The following CPS1 variants were observed in gnomAD, a reference collection of about 807,000 sequenced individuals.
CPS1 encodes the protein carbamoyl-phosphate synthase [ammonia], mitochondrial.
A neutral mutation model predicts 174.6 loss-of-function variants in CPS1; 109 were observed. The observed-to-expected ratio is 0.62, with a 90% CI of 0.53 to 0.73. CPS1 has a LOEUF of 0.73. CPS1 is among the 30% of genes least tolerant of loss of function. The probability of loss-of-function intolerance (pLI) is 0.00; values close to 1 mark genes in which losing one functional copy is unlikely to be tolerated. For synonymous variants in CPS1, 637 were observed against 632.0 expected, an observed-to-expected ratio of 1.01 and a Z score of -0.12; for missense variants, 1,689 against 1,821.9, an observed-to-expected ratio of 0.93 and a Z score of 1.33.
Position 210,640,040 on chromosome 2 carries a change from C to T in CPS1, c.2940C>T (p.Gly980=), listed in dbSNP as rs752969364. Residue 980 remains glycine, a synonymous_variant, in exon 24 of 38, where the codon GGC becomes GGT. Coordinates refer to ENST00000233072, the MANE Select transcript of CPS1 (RefSeq NM_001875.5). ...ATGACCATGGAATGATGGTGCTAGG[C>T]TGTGGTCCATATCACATTGGTAAAA... ...NFDDHGMMVL[G]CGPYHIGSSV... The T allele has an allele frequency of 4.4e-6, 7 of 1,608,858 alleles. No homozygotes were observed. The highest frequency in any genetic ancestry group is 6.0e-6 in the Non-Finnish European group (7 of 1,175,770).
intron 33 of CPS1, among the ~76,000 whole-genome samples, chr2:210,667,898 A>T (rs1023408779): frequency 6.6e-6 from 1 of 152,160 alleles, no homozygotes; most frequent in African/African-American, 2.4e-5. Flanking sequence ...TGCTCCATTG[A>T]GTGTTGTTGG....
chr2:210,645,573 T>A (rs989457844), intron 25 of CPS1, among the ~76,000 whole-genome samples: 3 of 152,022 alleles, frequency 2.0e-5, no homozygotes, highest in African/African-American at 7.2e-5. Context: ...GGAGGGTAGA[T>A]CACTTGAGGC....
intron 36 of CPS1, 62 bp from the exon 37 acceptor site, chr2:210,676,945 T>C (rs941960218): frequency 6.5e-7 from 1 of 1,535,454 alleles, no homozygotes; most frequent in South Asian, 1.1e-5. Flanking sequence ...TTTATGTTAG[T>C]ATTTTATAAA....
intron 26 of CPS1, 110 bp downstream of exon 26, chr2:210,648,167 T>A (rs1407109007): frequency 9.4e-7 from 1 of 1,066,408 alleles, no homozygotes; most frequent in African/African-American, 1.6e-5. Context: ...GCAGATAGAA[T>A]GCATACACTT....
intron 1 of CPS1, among the ~76,000 whole-genome samples, chr2:210,484,234 T>C (rs1694653837): frequency 6.6e-6 from 1 of 152,066 alleles, no homozygotes; most frequent in Non-Finnish European, 1.5e-5. Flanking sequence ...ACATCCCAGA[T>C]GGAAGGGTCA....
In CPS1 at chr2:210,665,973, C is replaced by T. The variant is rs545267633; in HGVS notation, c.4003-2213C>T. 6.1e-3 allele frequency among the ~76,000 whole-genome samples: 896 copies of T among 147,838 alleles called. 13 individuals are homozygous for T. The highest frequency in any genetic ancestry group is 0.021 in the African/African-American group (846 of 40,122). On this transcript the variant is annotated intron_variant, in intron 33 of 37. Coordinates refer to ENST00000233072, the MANE Select transcript of CPS1 (RefSeq NM_001875.5). Reference sequence around the variant, plus strand: ...TCAAAGTGTTCCTATTTCTCCACATCCTCTCCAGCACCTGTTGTTTCCTGA... The same window carrying T: ...TCAAAGTGTTCCTATTTCTCCACATTCTCTCCAGCACCTGTTGTTTCCTGA...
intron 1 of CPS1, among the ~76,000 whole-genome samples, chr2:210,568,428 A>G (rs1034503182): frequency 5.9e-5 from 9 of 152,118 alleles, no homozygotes; most frequent in Admixed American, 5.9e-4. Context: ...AGAAGTAAGG[A>G]GAGACTGGAG....
rs911681657 is a variant in CPS1, at chr2:210,556,918, G to A, written c.126+59G>A. The A allele has an allele frequency of 1.1e-4, 180 of 1,577,408 alleles. No homozygotes were observed. The East Asian group carries it at 3.6e-3, about 32-fold the overall frequency. On this transcript the variant is annotated intron_variant, in intron 1 of 37. Transcript: ENST00000233072. ...CTATGGGGTATAGTTTAGCAGTGAAGCAAAGGTGTCCCTTACAAGGCAAAT... is the reference window on the plus strand; with the variant it reads ...CTATGGGGTATAGTTTAGCAGTGAAACAAAGGTGTCCCTTACAAGGCAAAT...
intron 36 of CPS1, 46 bp downstream of exon 36, chr2:210,675,886 C>G (rs562052830): frequency 1.6e-5 from 14 of 898,480 alleles, no homozygotes; most frequent in African/African-American, 1.3e-4. Context: ...AGAGGATTAA[C>G]TTTGAGAACC....
chr2:210,509,356 A>AATTAGGTAT (rs1308739174), intron 1 of CPS1, among the ~76,000 whole-genome samples: 2 of 152,330 alleles, frequency 1.3e-5, no homozygotes, highest in African/African-American at 4.8e-5. Context: ...ACTCTCAATA[A>AATTAGGTAT]ATTAGGTATT....
intron 1 of CPS1, among the ~76,000 whole-genome samples, chr2:210,501,530 C>T (rs1033134076): frequency 6.6e-6 from 1 of 152,104 alleles, no homozygotes; most frequent in Non-Finnish European, 1.5e-5. Context: ...CCACCAGATA[C>T]CCTAAATCAT....
intron 1 of CPS1, among the ~76,000 whole-genome samples, chr2:210,538,228 G>A (rs942314888): frequency 3.3e-5 from 5 of 151,984 alleles, no homozygotes; most frequent in Non-Finnish European, 7.4e-5. Context: ...AGTTTTAAAA[G>A]CCATTATAAA....
At chr2:210,639,768 C>G (rs1383290132) in intron 23 of CPS1, among the ~76,000 whole-genome samples, 1 of 151,830 alleles carries the variant, frequency 6.6e-6, no homozygotes, top group Non-Finnish European at 1.5e-5. Context: ...TACAATTATG[C>G]TATGTTCTCA....
At chr2:210,616,591 TAA>T (rs1424961549) in intron 21 of CPS1, 50 bp downstream of exon 21, 12 of 1,067,646 alleles carry the variant, frequency 1.1e-5, no homozygotes, top group Admixed American at 1.7e-5. Context: ...GTGCAATTTT[TAA>T]AGAGTCTTCT....
chr2:210,642,786 C>T (rs1419419784), intron 25 of CPS1, 121 bp downstream of exon 25: 2 of 884,132 alleles, frequency 2.3e-6, no homozygotes, highest in African/African-American at 1.7e-5. Flanking sequence ...GAAAGGGCTG[C>T]CAGTGGCATC....
chr2:210,588,200 G>A, intron 7 of CPS1, 53 bp downstream of exon 7: 1 of 1,475,274 alleles, frequency 6.8e-7, no homozygotes, highest in Non-Finnish European at 9.5e-7. Flanking sequence ...GACCATTAGT[G>A]TTCAGCTAAT....
At chr2:210,521,635 A>T (rs1352168249) in intron 1 of CPS1, among the ~76,000 whole-genome samples, 1 of 152,028 alleles carries the variant, frequency 6.6e-6, no homozygotes, top group East Asian at 1.9e-4. Flanking sequence ...CAGATTTTTA[A>T]TATCAGACAT....
intron 1 of CPS1, among the ~76,000 whole-genome samples, chr2:210,495,036 A>G (rs1369675477): frequency 2.0e-5 from 3 of 152,226 alleles, no homozygotes; most frequent in Admixed American, 6.5e-5. Flanking sequence ...AAAACACTCC[A>G]GGTGATTCTA....
intron 1 of CPS1, among the ~76,000 whole-genome samples, chr2:210,504,139 C>A (rs992935185): frequency 5.9e-5 from 9 of 152,002 alleles, no homozygotes; most frequent in Admixed American, 6.6e-5. Flanking sequence ...CTTTCTTTTT[C>A]CCTGAGTGAC....
Sources: gnomAD v4.1 joint callset for allele counts (sites outside exome capture counted in the v4.1 genomes callset) on GRCh38, gnomAD v4.1.1 for gene constraint, MANE v1.5 for transcripts, NCBI Gene and HGNC (gene_info 2026-07-23, HGNC 2026-07-21) for gene names.